Variants in GALNTL6 observed in about 807,000 individuals in gnomAD.
GALNTL6 encodes the protein polypeptide N-acetylgalactosaminyltransferase like 6.
In GALNTL6, 46 loss-of-function variants were observed where a neutral mutation model predicts 73.7. The ratio of observed to expected loss-of-function variants is 0.62; its 90% confidence interval spans 0.49 to 0.80. The LOEUF is 0.80. Among genes scored for constraint, GALNTL6 ranks in the 30% least tolerant of loss-of-function variants. GALNTL6 has a pLI of 0.00. For missense variants in GALNTL6, 604 were observed against 755.0 expected, an observed-to-expected ratio of 0.80 and a Z score of 2.34; for synonymous variants, 259 against 263.7, an observed-to-expected ratio of 0.98 and a Z score of 0.17.
chr4:172,267,087 G>A (rs1465530938), intron 3 of GALNTL6, among the ~76,000 whole-genome samples: 1 of 152,140 alleles, frequency 6.6e-6, no homozygotes, highest in African/African-American at 2.4e-5. Flanking sequence ...GATATTCATT[G>A]CTTCAGGTAA....
At chr4:172,260,639 T>C (rs553760328) in intron 3 of GALNTL6, among the ~76,000 whole-genome samples, 191 of 151,764 alleles carry the variant, frequency 1.3e-3, no homozygotes, top group Admixed American at 2.0e-3. Context: ...TTCAGTACTA[T>C]GTTGAATAGA....
At chr4:172,251,248 C>A (rs906725235) in intron 3 of GALNTL6, among the ~76,000 whole-genome samples, 1 of 152,026 alleles carries the variant, frequency 6.6e-6, no homozygotes, top group Admixed American at 6.6e-5. Context: ...TAGTCTTTGT[C>A]TTATTAAAGC....
intron 10 of GALNTL6, among the ~76,000 whole-genome samples, chr4:173,002,508 T>C (rs982813177): frequency 6.6e-6 from 1 of 151,052 alleles, no homozygotes; most frequent in East Asian, 2.0e-4. Flanking sequence ...TATAAATATA[T>C]ATGAGGTCGG....
intron 4 of GALNTL6, among the ~76,000 whole-genome samples, chr4:172,320,507 A>T (rs1346701157): frequency 2.6e-5 from 4 of 152,204 alleles, no homozygotes; most frequent in Non-Finnish European, 4.4e-5. Context: ...ATTGTGGTGA[A>T]AAGTAATTGT....
intron 3 of GALNTL6, among the ~76,000 whole-genome samples, chr4:172,263,512 T>A (rs1282120296): frequency 3.3e-5 from 5 of 151,362 alleles, no homozygotes. Flanking sequence ...AGAACTTTCA[T>A]CCATATCCTG....
At chr4:172,559,671 G>C (rs1736280599) in intron 5 of GALNTL6, among the ~76,000 whole-genome samples, 1 of 152,136 alleles carries the variant, frequency 6.6e-6, no homozygotes, top group South Asian at 2.1e-4. Flanking sequence ...AGTTTTCTAA[G>C]AAGTCTGAGA....
intron 3 of GALNTL6, among the ~76,000 whole-genome samples, chr4:172,260,838 TTC>T (rs1469696554): frequency 1.3e-5 from 2 of 151,522 alleles, no homozygotes; most frequent in African/African-American, 4.8e-5. Flanking sequence ...TTCAAATGTT[TTC>T]TCTGTGTTTA....
chr4:172,803,579 A>G (rs1241056668), intron 5 of GALNTL6, among the ~76,000 whole-genome samples: 1 of 152,186 alleles, frequency 6.6e-6, no homozygotes, highest in Non-Finnish European at 1.5e-5. Flanking sequence ...ATAGGTGGTG[A>G]TGTGTCTTCC....
At chr4:172,844,263 T>A (rs1459639216) in intron 7 of GALNTL6, among the ~76,000 whole-genome samples, 1 of 152,162 alleles carries the variant, frequency 6.6e-6, no homozygotes, top group African/African-American at 2.4e-5. Flanking sequence ...CTCAACTGCG[T>A]GTTACTACAG....
At chr4:172,610,783 G>A (rs1159928861) in intron 5 of GALNTL6, among the ~76,000 whole-genome samples, 1 of 152,032 alleles carries the variant, frequency 6.6e-6, no homozygotes, top group Non-Finnish European at 1.5e-5. Context: ...CTGTCAATGA[G>A]GTGGTGAAGT....
At chr4:172,207,074 C>T (rs1219179293) in intron 2 of GALNTL6, among the ~76,000 whole-genome samples, 3 of 151,784 alleles carry the variant, frequency 2.0e-5, no homozygotes, top group South Asian at 2.1e-4. Context: ...CCCTTGGCCT[C>T]CCAAAGTGCT....
chr4:172,591,141 A>G (rs1287596071), intron 5 of GALNTL6, among the ~76,000 whole-genome samples: 2 of 152,150 alleles, frequency 1.3e-5, no homozygotes, highest in Non-Finnish European at 2.9e-5. Flanking sequence ...TTTTGCCACA[A>G]TTTAGCCTCA....
At chr4:172,577,162 A>G (rs1736986652) in intron 5 of GALNTL6, among the ~76,000 whole-genome samples, 1 of 152,192 alleles carries the variant, frequency 6.6e-6, no homozygotes. Context: ...GTGACCTTAA[A>G]TAATTGTTTA....
intron 5 of GALNTL6, among the ~76,000 whole-genome samples, chr4:172,560,338 G>A (rs13109092): frequency 2.3e-3 from 350 of 150,542 alleles, no homozygotes; most frequent in African/African-American, 4.9e-3. Context: ...AAAAAAAAAA[G>A]AAAAAAAAAA....
At chr4:172,297,857 A>T (rs900898623) in intron 3 of GALNTL6, among the ~76,000 whole-genome samples, 4 of 151,814 alleles carry the variant, frequency 2.6e-5, no homozygotes, top group African/African-American at 9.7e-5. Flanking sequence ...TTCCATATGA[A>T]TTTTAAAGTA....
intron 10 of GALNTL6, among the ~76,000 whole-genome samples, chr4:172,970,384 C>T (rs1331678870): frequency 1.3e-5 from 2 of 152,114 alleles, no homozygotes; most frequent in African/African-American, 4.8e-5. Context: ...GTATTTCAGT[C>T]CTTATCTCAC....
intron 2 of GALNTL6, among the ~76,000 whole-genome samples, chr4:172,053,063 A>C (rs1415777036): frequency 6.6e-6 from 1 of 152,194 alleles, no homozygotes; most frequent in East Asian, 1.9e-4. Flanking sequence ...TGACATGTAA[A>C]TAGGACAAAA....
At chr4:172,958,832 A>T (rs1403841570) in intron 10 of GALNTL6, among the ~76,000 whole-genome samples, 1 of 152,170 alleles carries the variant, frequency 6.6e-6, no homozygotes, top group Non-Finnish European at 1.5e-5. Flanking sequence ...GTACAAAGCA[A>T]TAGTAAAGAA....
intron 5 of GALNTL6, among the ~76,000 whole-genome samples, chr4:172,729,436 T>C (rs1349894665): frequency 6.6e-6 from 1 of 152,192 alleles, no homozygotes; most frequent in Non-Finnish European, 1.5e-5. Context: ...CTAGCTTTAT[T>C]CTTCTACATA....
Sources: allele counts gnomAD v4.1 joint callset (sites outside exome capture counted in the v4.1 genomes callset), GRCh38; gene constraint gnomAD v4.1.1; transcripts MANE v1.5; gene names NCBI Gene and HGNC (gene_info 2026-07-23, HGNC 2026-07-21).